Variants in VPS13B observed in about 807,000 individuals in gnomAD.
VPS13B encodes intermembrane lipid transfer protein VPS13B.
VPS13B carries 285 observed loss-of-function variants against 426.4 expected under a neutral mutation model. The ratio of observed to expected loss-of-function variants is 0.67; its 90% CI spans 0.61 to 0.74. The LOEUF is 0.74. VPS13B is among the 30% of genes least tolerant of loss of function. The probability of loss-of-function intolerance (pLI) is 0.00; values close to 1 mark genes in which losing one functional copy is unlikely to be tolerated. For synonymous variants in VPS13B, 1,676 were observed against 1,676.4 expected (o/e 1.00, Z 0.01); for missense variants, 4,537 against 4,782.6 (o/e 0.95, Z 1.51).
intron 27 of VPS13B, 35 bp from the exon 28 acceptor site, chr8:99,507,102 G>A (rs1371314383): frequency 6.2e-7 from 1 of 1,612,530 alleles, no homozygotes. Flanking sequence ...CAGAAAAATT[G>A]AAGAGAACAG....
intron 3 of VPS13B, among the ~76,000 whole-genome samples, chr8:99,084,360 C>G (rs1022424658): frequency 2.6e-5 from 4 of 152,122 alleles, no homozygotes; most frequent in Non-Finnish European, 5.9e-5. Context: ...CTTTATTACT[C>G]TTGCTAGCAG....
Position 99,103,154 on chromosome 8 carries a change from C to G in VPS13B, c.580+34C>G, listed in dbSNP as rs569341733. On this transcript the variant is annotated intron_variant, in intron 5 of 61. Coordinates refer to ENST00000357162, the MANE Select transcript of VPS13B (RefSeq NM_152564.5). Reference sequence around the variant, plus strand: ...ATATGGAGAATACCGTATATTTTTCCATAATTGAAACAATTACCTTAACTC... The same window carrying G: ...ATATGGAGAATACCGTATATTTTTCGATAATTGAAACAATTACCTTAACTC... The G allele has an allele frequency of 5.0e-5, 80 of 1,610,740 alleles. No individual in the cohort carries two copies. The Middle Eastern group carries it at 8.4e-4, about 17-fold the overall frequency.
chr8:99,351,435 A>AGTGT (rs1024531389), intron 19 of VPS13B, among the ~76,000 whole-genome samples: 84 of 145,750 alleles, frequency 5.8e-4, no homozygotes, highest in Admixed American at 2.9e-3. Flanking sequence ...AGAGAGAGAG[A>AGTGT]GTGTGTGTGT....
rs533958375 is a variant in VPS13B, at chr8:99,827,216, G to A, written c.9330+3238G>A. Among the ~76,000 whole-genome samples, 5 of 152,190 alleles carry A rather than the reference G, an allele frequency of 3.3e-5. No individual in the cohort carries two copies. In the South Asian group the frequency reaches 1.0e-3, roughly 32 times the overall value. On this transcript the variant is annotated intron_variant, in intron 51 of 61. Coordinates refer to ENST00000357162, the MANE Select transcript of VPS13B (RefSeq NM_152564.5). ...GTCTGGTCCTGCGCATTTTTGGTTG[G>A]TAGGCTATTAATTACTGTCTCTATT...
intron 19 of VPS13B, among the ~76,000 whole-genome samples, chr8:99,309,614 G>A (rs1318001455): frequency 1.3e-5 from 2 of 152,146 alleles, no homozygotes; most frequent in African/African-American, 4.8e-5. Flanking sequence ...GTCACATAGT[G>A]TGATGCCTCC....
intron 54 of VPS13B, among the ~76,000 whole-genome samples, chr8:99,846,862 G>C (rs74797034): frequency 6.6e-6 from 1 of 152,084 alleles, no homozygotes; most frequent in Admixed American, 6.5e-5. Flanking sequence ...TTCTCTATTC[G>C]CATCCCCTCC....
rs367603630 is a variant in VPS13B, at chr8:99,384,250, T to C, written c.2867T>C (p.Ile956Thr). Residue 956 changes from isoleucine (I) to threonine (T), a missense_variant, in exon 20 of 62, where the codon ATT becomes ACT. By Grantham distance (89) the Ile-to-Thr change is moderately conservative (BLOSUM62 -1). This residue lies in a region of VPS13B where 4,311 missense variants were observed against 4,474.3 expected (regional missense o/e 0.96). Coordinates refer to ENST00000357162, the MANE Select transcript of VPS13B (RefSeq NM_152564.5). ...AGTATACAAGGACTAGCAGTTAATA[T>C]TGACCCAATCTTATATACGTGGCTC... is the stretch of plus-strand genomic sequence containing the variant. The part of the protein sequence containing the change: ...LCSIQGLAVN[I>T]DPILYTWLIY... The C allele has an allele frequency of 1.9e-6, 3 of 1,614,022 alleles. No homozygotes were observed. The highest frequency in any genetic ancestry group is 1.1e-5 in the South Asian group (1 of 91,084).
chr8:99,838,120 G>A (rs935994040), intron 54 of VPS13B, among the ~76,000 whole-genome samples: 3 of 152,208 alleles, frequency 2.0e-5, no homozygotes, highest in African/African-American at 7.2e-5. Context: ...GTAGGCTGCA[G>A]AATACCGATT....
At chr8:99,450,651 T>A (rs1243951059) in intron 23 of VPS13B, among the ~76,000 whole-genome samples, 3 of 152,148 alleles carry the variant, frequency 2.0e-5, no homozygotes, top group African/African-American at 7.2e-5. Flanking sequence ...AGGCAGAGGT[T>A]GCAGTGAGCC....
intron 21 of VPS13B, among the ~76,000 whole-genome samples, chr8:99,408,684 A>G (rs150073121): frequency 1.3e-5 from 2 of 152,332 alleles, no homozygotes; most frequent in African/African-American, 4.8e-5. Flanking sequence ...TTCCCTGGAA[A>G]TAGAATCCTC....
chr8:99,310,401 T>C (rs1441508488), intron 19 of VPS13B, among the ~76,000 whole-genome samples: 5 of 152,238 alleles, frequency 3.3e-5, no homozygotes, highest in African/African-American at 1.2e-4. Context: ...CATGAATGCC[T>C]ATTGAATTTT....
chr8:99,720,445 A>C lies in VPS13B; in HGVS notation c.6758A>C (p.Glu2253Ala). ...EEGNFEVQVS[E>A]PVPQMSSPVE... ...GGAAATTTTGAAGTACAAGTTTCTG[A>C]ACCAGTGCCTCAAATGTCATCTCCT... is the stretch of plus-strand genomic sequence containing the variant. The change falls in exon 38 of 62, where the codon GAA becomes GCA. Residue 2253 changes from glutamate (E) to alanine (A), a missense_variant. Glu to Ala is a moderately radical substitution (Grantham distance 107). Coordinates refer to ENST00000357162, the MANE Select transcript of VPS13B (RefSeq NM_152564.5). The C allele has an allele frequency of 1.9e-6, 3 of 1,614,044 alleles. No individual in the cohort carries two copies. The highest frequency in any genetic ancestry group is 2.5e-6 in the Non-Finnish European group (3 of 1,179,938).
At chr8:99,176,614 A>G (rs1812645509) in intron 16 of VPS13B, among the ~76,000 whole-genome samples, 1 of 152,194 alleles carries the variant, frequency 6.6e-6, no homozygotes, top group South Asian at 2.1e-4. Flanking sequence ...CAGCATAAGG[A>G]CTATTGTAAA....
chr8:99,077,643 C>G (rs931429598), intron 3 of VPS13B, among the ~76,000 whole-genome samples: 3 of 152,066 alleles, frequency 2.0e-5, no homozygotes, highest in Admixed American at 6.6e-5. Context: ...ACACTTTTCT[C>G]TCGCTATTTT....
chr8:99,219,145 G>A (rs1588149330), intron 17 of VPS13B, among the ~76,000 whole-genome samples: 1 of 152,108 alleles, frequency 6.6e-6, no homozygotes, highest in African/African-American at 2.4e-5. Flanking sequence ...TTTTCCAAGT[G>A]GCAGCGTAAA....
intron 17 of VPS13B, among the ~76,000 whole-genome samples, chr8:99,228,823 G>C (rs1336349701): frequency 6.6e-6 from 1 of 152,244 alleles, no homozygotes; most frequent in Non-Finnish European, 1.5e-5. Context: ...AGTACTGCTG[G>C]ACGTTCAAAA....
intron 2 of VPS13B, among the ~76,000 whole-genome samples, chr8:99,026,762 ACTC>A (rs542567608): frequency 6.7e-6 from 1 of 150,098 alleles, no homozygotes; most frequent in Non-Finnish European, 1.5e-5. Flanking sequence ...AAGGATAACT[ACTC>A]CTATTCATTT....
intron 19 of VPS13B, among the ~76,000 whole-genome samples, chr8:99,378,576 A>G (rs1487895361): frequency 6.6e-6 from 1 of 152,172 alleles, no homozygotes; most frequent in East Asian, 1.9e-4. Context: ...AAGAAATTAT[A>G]AAAGTATTAA....
intron 29 of VPS13B, 69 bp downstream of exon 29, chr8:99,511,581 T>A (rs1821791420): frequency 6.0e-6 from 9 of 1,511,900 alleles, no homozygotes; most frequent in African/African-American, 1.4e-5. Context: ...TTTTCTGGGT[T>A]TTTTTGTTTC....
Sources: gnomAD v4.1 joint callset for allele counts (sites outside exome capture counted in the v4.1 genomes callset) on GRCh38, gnomAD v4.1.1 for gene constraint, gnomAD v4.1.1 regional missense constraint, MANE v1.5 for transcripts, NCBI Gene and HGNC (gene_info 2026-07-23, HGNC 2026-07-21) for gene names.